QTMAN: variants seen among roughly 807,000 people sequenced by gnomAD.
QTMAN encodes the protein queuosine-tRNA mannosyltransferase.
At chr2:144,078,853 T>C in the QTMAN span, among the ~76,000 whole-genome samples, 1 of 152,152 alleles carries the variant, frequency 6.6e-6, no homozygotes, top group Non-Finnish European at 1.5e-5. Flanking sequence ...AACCTGTCAA[T>C]TTCAGCAACC....
At chr2:143,974,114 T>C in the QTMAN span, among the ~76,000 whole-genome samples, 1 of 152,206 alleles carries the variant, frequency 6.6e-6, no homozygotes, top group African/African-American at 2.4e-5. Context: ...AAAGATAATA[T>C]ACTGAGTGCC....
the QTMAN span, among the ~76,000 whole-genome samples, chr2:144,207,790 G>C: frequency 6.6e-6 from 1 of 151,944 alleles, no homozygotes; most frequent in Non-Finnish European, 1.5e-5. Context: ...AAAATGTAAT[G>C]AGTATTTACC....
At chr2:144,216,267 T>A in the QTMAN span, among the ~76,000 whole-genome samples, 1 of 152,208 alleles carries the variant, frequency 6.6e-6, no homozygotes, top group Non-Finnish European at 1.5e-5. Flanking sequence ...CTCTGTATAG[T>A]AGAATTATAC....
At chr2:144,159,115 A>G in the QTMAN span, among the ~76,000 whole-genome samples, 1 of 152,084 alleles carries the variant, frequency 6.6e-6, no homozygotes, top group African/African-American at 2.4e-5. Flanking sequence ...GCAGATCATA[A>G]AAAATAATCC....
chr2:144,151,701 T>A, the QTMAN span, among the ~76,000 whole-genome samples: 30 of 152,322 alleles, frequency 2.0e-4, no homozygotes, highest in African/African-American at 7.2e-4. Flanking sequence ...CAATGATACA[T>A]ACACACATAA....
At chr2:144,250,129 T>G in the QTMAN span, among the ~76,000 whole-genome samples, 8 of 145,424 alleles carry the variant, frequency 5.5e-5, no homozygotes, top group South Asian at 1.0e-3. Context: ...TTGTGTTTTT[T>G]TTTTTTGTTT....
the QTMAN span, among the ~76,000 whole-genome samples, chr2:144,065,107 T>C: frequency 6.6e-6 from 1 of 152,180 alleles, no homozygotes; most frequent in Admixed American, 6.5e-5. Flanking sequence ...ATTCAAAGCT[T>C]AATTTTTAGA....
At chr2:143,987,590 T>C in the QTMAN span, among the ~76,000 whole-genome samples, 1 of 152,208 alleles carries the variant, frequency 6.6e-6, no homozygotes, top group Non-Finnish European at 1.5e-5. Context: ...AGAAGTTATA[T>C]CAATACATGT....
chr2:144,228,094 G>A, the QTMAN span, among the ~76,000 whole-genome samples: 1 of 152,116 alleles, frequency 6.6e-6, no homozygotes, highest in African/African-American at 2.4e-5. Context: ...AAGGATGGTG[G>A]GGAAGCAAGA....
At chr2:144,067,537 T>G in the QTMAN span, among the ~76,000 whole-genome samples, 1 of 151,794 alleles carries the variant, frequency 6.6e-6, no homozygotes, top group Non-Finnish European at 1.5e-5. Flanking sequence ...CAATTAAGAG[T>G]TGTTTGGAGG....
chr2:144,222,778 A>G, the QTMAN span, among the ~76,000 whole-genome samples: 1 of 152,164 alleles, frequency 6.6e-6, no homozygotes, highest in African/African-American at 2.4e-5. Flanking sequence ...ACTGCATTCC[A>G]GCCTAGGCGA....
At chr2:143,982,733 C>T in the QTMAN span, among the ~76,000 whole-genome samples, 2 of 151,468 alleles carry the variant, frequency 1.3e-5, no homozygotes, top group East Asian at 2.0e-4. Context: ...TGGTATTATG[C>T]TCCTGTAATC....
At chr2:144,008,170 G>A in the QTMAN span, among the ~76,000 whole-genome samples, 1 of 152,184 alleles carries the variant, frequency 6.6e-6, no homozygotes, top group Admixed American at 6.5e-5. Context: ...CTTAAAACCT[G>A]TAAGCCACAT....
chr2:143,995,121 G>T, the QTMAN span, among the ~76,000 whole-genome samples: 2 of 152,106 alleles, frequency 1.3e-5, no homozygotes, highest in Admixed American at 1.3e-4. Context: ...TCCAGGTTTA[G>T]TAATACTCTA....
chr2:144,305,345 C>T, the QTMAN span, among the ~76,000 whole-genome samples: 1 of 152,194 alleles, frequency 6.6e-6, no homozygotes, highest in East Asian at 1.9e-4. Context: ...CCAGCACCAT[C>T]TGTTGAAAAG....
chr2:144,177,324 C>G, the QTMAN span: 1 of 602,392 alleles, frequency 1.7e-6, no homozygotes, highest in East Asian at 2.7e-5. Flanking sequence ...TAGCCGAAGA[C>G]TATGAAAAAC....
the QTMAN span, among the ~76,000 whole-genome samples, chr2:144,146,614 T>G: frequency 4.8e-4 from 73 of 151,816 alleles, no homozygotes; most frequent in African/African-American, 1.7e-3. Flanking sequence ...ACACAAAACA[T>G]TAGAGAAACA....
chr2:144,306,379 T>C, the QTMAN span, among the ~76,000 whole-genome samples: 1 of 152,220 alleles, frequency 6.6e-6, no homozygotes, highest in African/African-American at 2.4e-5. Context: ...CAGGAATTTA[T>C]TTCTCACAGT....
At chr2:144,074,041 T>C in the QTMAN span, among the ~76,000 whole-genome samples, 1 of 152,220 alleles carries the variant, frequency 6.6e-6, no homozygotes, top group African/African-American at 2.4e-5. Context: ...CTCTTGAGTA[T>C]ACCAAATAGC....
Sources: allele counts gnomAD v4.1 joint callset (sites outside exome capture counted in the v4.1 genomes callset), GRCh38; gene constraint gnomAD v4.1.1; transcripts MANE v1.5; gene names NCBI Gene and HGNC (gene_info 2026-07-23, HGNC 2026-07-21).